AJAP1: variants seen among roughly 807,000 people sequenced by gnomAD.
The protein encoded by AJAP1 is adherens junction-associated protein 1.
AJAP1 carries 5 observed loss-of-function variants against 35.0 expected under a neutral mutation model. The ratio of observed to expected loss-of-function variants is 0.14; its 90% CI spans 0.07 to 0.30. The LOEUF (loss-of-function observed/expected upper bound fraction) is 0.30, where lower values mean the gene tolerates loss of function less well. AJAP1 is among the 10% of genes least tolerant of loss of function. The pLI is 1.00. For synonymous variants in AJAP1, 284 were observed against 249.3 expected (o/e 1.14, Z -1.31); for missense variants, 586 against 571.0 (o/e 1.03, Z -0.27).
Position 4,655,387 on chromosome 1 carries a change from G to A in AJAP1, c.-39G>A, listed in dbSNP as rs778816920. The A allele has an allele frequency of 6.5e-6, 10 of 1,534,666 alleles. No individual in the cohort carries two copies. Among genetic ancestry groups the A allele is most frequent in the Admixed American group, 5.8e-5 (3 of 51,968 alleles). ...CGCGGGCGCCGCGCAGATGGCCTGG[G>A]CGAGCCAGGTCTGAGGCCCCGCTCC... On this transcript the variant is annotated 5_prime_UTR_variant, in exon 1 of 6. Transcript: ENST00000378191. The surrounding 1 kb of genome is among the most constrained non-coding windows in gnomAD (Gnocchi z 6.9).
chr1:4,699,062 A>G (rs1387208806), intron 1 of AJAP1, among the ~76,000 whole-genome samples: 1 of 151,824 alleles, frequency 6.6e-6, no homozygotes, highest in Non-Finnish European at 1.5e-5. Flanking sequence ...AGAGTCCAGA[A>G]CCTCCTTCTC....
rs1050146914 is a variant in AJAP1, at chr1:4,787,715, G to T, written c.*5230G>T. 1 of 456,140 alleles carries T rather than the reference G, an allele frequency of 2.2e-6. No homozygotes were observed. 28.3% of individuals were successfully genotyped at this position (456,140 alleles called of 1,614,324 possible). On this transcript the variant is annotated 3_prime_UTR_variant, in exon 6 of 6. Coordinates refer to ENST00000378191, the MANE Select transcript of AJAP1 (RefSeq NM_018836.4). ...TTGGTCCCATCTGTCAGGTTGCCAGGCCAAGCAGGTCTCAGGTCAGCCAGG... is the reference window on the plus strand; with the variant it reads ...TTGGTCCCATCTGTCAGGTTGCCAGTCCAAGCAGGTCTCAGGTCAGCCAGG...
At chr1:4,736,966 C>T (rs562258259) in intron 2 of AJAP1, among the ~76,000 whole-genome samples, 80 of 152,222 alleles carry the variant, frequency 5.3e-4, no homozygotes, top group African/African-American at 1.8e-3. Context: ...TATTTTCATG[C>T]CCAGGTCAAG....
At chr1:4,737,361 G>A (rs534629998) in intron 2 of AJAP1, among the ~76,000 whole-genome samples, 1 of 152,166 alleles carries the variant, frequency 6.6e-6, no homozygotes, top group Non-Finnish European at 1.5e-5. Context: ...TCAGGGAAAT[G>A]CCATAGCACT....
chr1:4,729,403 C>G (rs1640748269), intron 2 of AJAP1, among the ~76,000 whole-genome samples: 1 of 152,206 alleles, frequency 6.6e-6, no homozygotes, highest in South Asian at 2.1e-4. Flanking sequence ...GTGCCCTGGC[C>G]CTTCCTGGTG....
intron 2 of AJAP1, among the ~76,000 whole-genome samples, chr1:4,726,756 A>AG (rs1640670387): frequency 6.6e-6 from 1 of 152,170 alleles, no homozygotes. Context: ...TCTGGGAGGC[A>AG]GAGAAACTGC....
Position 4,705,395 on chromosome 1 carries a change from C to CTTTTT in AJAP1, c.30-6475_30-6471dup, listed in dbSNP as rs58022692. Among the ~76,000 whole-genome samples, 23 of 23,802 alleles carry CTTTTT rather than the reference C, an allele frequency of 9.7e-4. 2 individuals carry two copies. The highest frequency in any genetic ancestry group is 4.5e-3 in the East Asian group (2 of 440). The allele number at this position is 23,802 out of a possible 152,430, so 15.6% of individuals were successfully genotyped here. On this transcript the variant is annotated intron_variant, in intron 1 of 5. Coordinates refer to ENST00000378191, the MANE Select transcript of AJAP1 (RefSeq NM_018836.4). ...AGCCAAATGGGGAAGTTTTGAAGAGCTTTTTTTTTTTTTTTTTTTTTTTTT... is the reference window on the plus strand; with the variant it reads ...AGCCAAATGGGGAAGTTTTGAAGAGCTTTTTTTTTTTTTTTTTTTTTTTTTTTTTT...
In AJAP1 at chr1:4,655,333, A is replaced by T; in HGVS notation, c.-93A>T. 8.3e-7 allele frequency: 1 copy of T among 1,203,394 alleles called. No individual in the cohort carries two copies. Among genetic ancestry groups the T allele is most frequent in the East Asian group, 3.6e-5 (1 of 27,428 alleles). 74.5% of individuals were successfully genotyped at this position (1,203,394 alleles called of 1,614,324 possible). On this transcript the variant is annotated 5_prime_UTR_variant, in exon 1 of 6. Transcript: ENST00000378191. The surrounding 1 kb of genome is among the most constrained non-coding windows in gnomAD (Gnocchi z 6.9). Reference sequence around the variant, plus strand: ...GGAGGCGGCGGACCGAGAGCCGGAGACCGGCGCCGCGGGACGGAAGCGAGC... The same window carrying T: ...GGAGGCGGCGGACCGAGAGCCGGAGTCCGGCGCCGCGGGACGGAAGCGAGC...
intron 2 of AJAP1, among the ~76,000 whole-genome samples, chr1:4,753,852 G>A (rs567166022): frequency 2.3e-4 from 35 of 152,338 alleles, no homozygotes; most frequent in Middle Eastern, 3.4e-3. Context: ...GATTACAGGC[G>A]TGAGCCACTA....
At chr1:4,773,259 T>A (rs1641878733) in intron 4 of AJAP1, among the ~76,000 whole-genome samples, 1 of 152,070 alleles carries the variant, frequency 6.6e-6, no homozygotes, top group South Asian at 2.1e-4. Context: ...GCAGCCAGGG[T>A]AACACTGCCC....
intron 1 of AJAP1, among the ~76,000 whole-genome samples, chr1:4,688,464 C>T (rs779551574): frequency 6.6e-6 from 1 of 152,076 alleles, no homozygotes; most frequent in African/African-American, 2.4e-5. Flanking sequence ...TGAAAATAGA[C>T]TTCTGGAAAA....
intron 2 of AJAP1, among the ~76,000 whole-genome samples, chr1:4,714,148 C>T (rs1396142084): frequency 1.3e-5 from 2 of 152,182 alleles, no homozygotes; most frequent in African/African-American, 4.8e-5. Flanking sequence ...AGCAATGTCT[C>T]TATGGAAGCA....
chr1:4,706,985 G>A (rs1170970340), intron 1 of AJAP1, among the ~76,000 whole-genome samples: 1 of 152,096 alleles, frequency 6.6e-6, no homozygotes, highest in Non-Finnish European at 1.5e-5. Flanking sequence ...GAAAATCATG[G>A]GCTCGAGGCT....
intron 2 of AJAP1, among the ~76,000 whole-genome samples, chr1:4,758,916 C>T (rs187152177): frequency 5.3e-5 from 8 of 152,328 alleles, no homozygotes; most frequent in Non-Finnish European, 1.5e-5. Flanking sequence ...TCTCTTGCCC[C>T]GAGCTGGATG....
intron 1 of AJAP1, among the ~76,000 whole-genome samples, chr1:4,665,068 C>T (rs1464989885): frequency 6.6e-6 from 1 of 151,960 alleles, no homozygotes; most frequent in Non-Finnish European, 1.5e-5. Flanking sequence ...CGGAAAAAGC[C>T]CCACGAGAGC....
chr1:4,723,283 G>A lies in AJAP1; in HGVS notation c.829+10584G>A, dbSNP rs867540041. Among the ~76,000 whole-genome samples the A allele has an allele frequency of 6.6e-6, 1 of 152,206 alleles. No individual in the cohort carries two copies. The highest frequency in any genetic ancestry group is 1.5e-5 in the Non-Finnish European group (1 of 68,042). On this transcript the variant is annotated intron_variant, in intron 2 of 5. Coordinates refer to ENST00000378191, the MANE Select transcript of AJAP1 (RefSeq NM_018836.4). This position sits in a 1 kb window ranked among gnomAD's most constrained non-coding sequence, Gnocchi z 4.3. ...GTGACATCCAGCCACCCTGGCGGCC[G>A]TCCAAGGGGAGCGCCTGTGGATACT...
intron 2 of AJAP1, among the ~76,000 whole-genome samples, chr1:4,725,838 G>A (rs943288241): frequency 1.6e-4 from 24 of 152,044 alleles, no homozygotes; most frequent in East Asian, 1.9e-4. Context: ...CTGTGTCCTC[G>A]TCTCCTCCTC....
chr1:4,769,726 T>A (rs910964634), intron 2 of AJAP1, 127 bp from the exon 3 acceptor site: 1 of 792,120 alleles, frequency 1.3e-6, no homozygotes, highest in African/African-American at 1.7e-5. Flanking sequence ...TGCCCCGAGT[T>A]CCCCGCTGCG....
intron 2 of AJAP1, among the ~76,000 whole-genome samples, chr1:4,732,627 C>T (rs1204007425): frequency 3.3e-5 from 5 of 152,276 alleles, no homozygotes; most frequent in African/African-American, 1.2e-4. Context: ...GTGCCAGGCC[C>T]CACTGTGCCT....
Sources: allele counts gnomAD v4.1 joint callset (sites outside exome capture counted in the v4.1 genomes callset), GRCh38; gene constraint gnomAD v4.1.1; non-coding constraint Gnocchi (gnomAD v3.1); transcripts MANE v1.5; gene names NCBI Gene and HGNC (gene_info 2026-07-23, HGNC 2026-07-21).